The following TMTC1 variants were observed in gnomAD, a reference collection of about 807,000 sequenced individuals.
The protein encoded by TMTC1 is transmembrane O-mannosyltransferase targeting cadherins 1.
Under a neutral mutation model 104.8 loss-of-function variants are expected in TMTC1, and 73 were observed. That is an observed-to-expected ratio of 0.70 (90% CI 0.58 to 0.85). TMTC1 has a LOEUF of 0.85. Ranked by LOEUF, TMTC1 falls within the 40% of genes least tolerant of loss-of-function variation. TMTC1 has a pLI of 0.00. For missense variants in TMTC1, 1,035 were observed against 1,096.1 expected (o/e 0.94, Z 0.79); for synonymous variants, 434 against 428.7 (o/e 1.01, Z -0.15).
At chr12:29,735,719 A>G (rs1311656247) in intron 5 of TMTC1, among the ~76,000 whole-genome samples, 1 of 152,220 alleles carries the variant, frequency 6.6e-6, no homozygotes, top group Non-Finnish European at 1.5e-5. Context: ...CTCACAATGT[A>G]CATTGGGTAT....
rs772647422 is a variant in TMTC1, at chr12:29,517,490, A to C, written c.2106T>G (p.Ala702=). 1 of 1,614,108 alleles carries C rather than the reference A, an allele frequency of 6.2e-7. No homozygotes were observed. The highest frequency in any genetic ancestry group is 1.3e-5 in the African/African-American group (1 of 75,016). The change falls in exon 14 of 18, where the codon GCT becomes GCG. Residue 702 remains alanine (A), a synonymous_variant. Coordinates refer to ENST00000539277, the MANE Select transcript of TMTC1 (RefSeq NM_001193451.2). ...LYYNTGRYEE[A]LQIYQEAAAL... is the part of the protein sequence containing the mutation. ...CTGCAGCTTCCTGGTAAATCTGCAAAGCCTCTTCGTATCGGCCAGTGTTGT... is the reference window on the plus strand; with the variant it reads ...CTGCAGCTTCCTGGTAAATCTGCAACGCCTCTTCGTATCGGCCAGTGTTGT...
intron 7 of TMTC1, 43 bp downstream of exon 7, chr12:29,604,135 C>A (rs1303730094): frequency 1.2e-6 from 2 of 1,609,572 alleles, no homozygotes; most frequent in Non-Finnish European, 1.7e-6. Flanking sequence ...ATGTTGGTGA[C>A]AGAGGGCAGG....
At chr12:29,753,771 G>A (rs973991698) in intron 4 of TMTC1, among the ~76,000 whole-genome samples, 2 of 152,224 alleles carry the variant, frequency 1.3e-5, no homozygotes, top group African/African-American at 4.8e-5. Context: ...TCTTGGCTAG[G>A]CAGAATGAGT....
At chr12:29,604,727 T>C (rs923363043) in intron 6 of TMTC1, among the ~76,000 whole-genome samples, 2 of 152,212 alleles carry the variant, frequency 1.3e-5, no homozygotes, top group African/African-American at 4.8e-5. Flanking sequence ...CAAAATATAA[T>C]GTATTTTCTT....
rs369388096 is a variant in TMTC1, at chr12:29,751,713, C to T, written c.891G>A (p.Lys297=). 1 of 1,614,106 alleles carries T rather than the reference C, an allele frequency of 6.2e-7. No individual in the cohort carries two copies. The highest frequency in any genetic ancestry group is 1.7e-5 in the Admixed American group (1 of 60,022). ...GTGGGGACACTGGGAATCCACTGCTCTTGGGTTCTGGTGGCAGTGGAGAGT... is the reference window on the plus strand; with the variant it reads ...GTGGGGACACTGGGAATCCACTGCTTTTGGGTTCTGGTGGCAGTGGAGAGT... ...GCHSPLPPEP[K]SSGFPVSPRA... is the part of the protein sequence containing the mutation. The change falls in exon 5 of 18, where the codon AAG becomes AAA. Residue 297 remains lysine (K), a synonymous_variant. Transcript: ENST00000539277.
At chr12:29,543,887 T>A (rs1592205597) in intron 10 of TMTC1, among the ~76,000 whole-genome samples, 2 of 152,218 alleles carry the variant, frequency 1.3e-5, no homozygotes, top group South Asian at 4.1e-4. Flanking sequence ...CTTGACTTTC[T>A]ACAGAAGCCA....
At chr12:29,722,465 C>A (rs1942262939) in intron 5 of TMTC1, among the ~76,000 whole-genome samples, 1 of 152,114 alleles carries the variant, frequency 6.6e-6, no homozygotes, top group African/African-American at 2.4e-5. Context: ...GACAAAGCTG[C>A]CTTCTTTCAC....
intron 6 of TMTC1, among the ~76,000 whole-genome samples, chr12:29,612,097 C>T (rs116103677): frequency 1.1e-3 from 173 of 152,238 alleles, no homozygotes; most frequent in African/African-American, 3.7e-3. Context: ...CCACAGTCCA[C>T]GTGGCTTTGG....
At chr12:29,758,846 A>G (rs948497654) in intron 2 of TMTC1, 69 bp from the exon 3 acceptor site, 3 of 1,299,596 alleles carry the variant, frequency 2.3e-6, no homozygotes, top group African/African-American at 1.5e-5. Flanking sequence ...ACACAAATCC[A>G]TTACAGAAAT....
chr12:29,648,600 T>C (rs111972061), intron 5 of TMTC1, among the ~76,000 whole-genome samples: 2,288 of 152,152 alleles, frequency 0.015, 56 homozygotes, highest in African/African-American at 0.053. Context: ...ACCACTCATG[T>C]CTCACCAGCC....
chr12:29,778,425 T>C (rs894465553), intron 1 of TMTC1, among the ~76,000 whole-genome samples: 3 of 152,192 alleles, frequency 2.0e-5, no homozygotes, highest in African/African-American at 7.2e-5. Flanking sequence ...CTGGACCATT[T>C]TTCAAGGGAG....
intron 5 of TMTC1, among the ~76,000 whole-genome samples, chr12:29,701,512 C>T (rs1207277708): frequency 6.6e-6 from 1 of 152,162 alleles, no homozygotes; most frequent in African/African-American, 2.4e-5. Context: ...CCTAACTTCC[C>T]CCTTCCTTCC....
intron 6 of TMTC1, among the ~76,000 whole-genome samples, chr12:29,612,158 T>C (rs1250480180): frequency 6.6e-6 from 1 of 152,048 alleles, no homozygotes; most frequent in Admixed American, 6.5e-5. Flanking sequence ...TTCTCTACCA[T>C]CTGACTTCAT....
At chr12:29,744,608 T>C (rs1293390832) in intron 5 of TMTC1, among the ~76,000 whole-genome samples, 1 of 152,258 alleles carries the variant, frequency 6.6e-6, no homozygotes, top group Non-Finnish European at 1.5e-5. Flanking sequence ...TAAAGGTACT[T>C]CCTGCTTTAC....
intron 11 of TMTC1, among the ~76,000 whole-genome samples, chr12:29,524,604 T>C (rs1217966853): frequency 6.6e-6 from 1 of 152,170 alleles, no homozygotes; most frequent in African/African-American, 2.4e-5. Context: ...GGCCTAAGAA[T>C]TATGTCTAGA....
chr12:29,694,651 A>G (rs1941362594), intron 5 of TMTC1, among the ~76,000 whole-genome samples: 1 of 152,108 alleles, frequency 6.6e-6, no homozygotes, highest in African/African-American at 2.4e-5. Context: ...TAAAAACTGC[A>G]ACAAGCGGCT....
At chr12:29,660,652 G>A (rs1415658580) in intron 5 of TMTC1, among the ~76,000 whole-genome samples, 4 of 151,944 alleles carry the variant, frequency 2.6e-5, no homozygotes, top group Admixed American at 6.6e-5. Flanking sequence ...GTAACATTAC[G>A]GCATGCCAAC....
rs1303200907 is a variant in TMTC1, at chr12:29,769,521, G to GAAACAC, written c.303-1452_303-1447dup. Among the ~76,000 whole-genome samples the GAAACAC allele has an allele frequency of 1.2e-4, 19 of 152,324 alleles. No homozygotes were observed. In the East Asian group the frequency reaches 3.5e-3, roughly 28 times the overall value. On this transcript the variant is annotated intron_variant, in intron 1 of 17. Coordinates refer to ENST00000539277, the MANE Select transcript of TMTC1 (RefSeq NM_001193451.2). ...GAGACCAGCATGCCATTCCTGTATA[G>GAAACAC]AAACACACACGAGGCAGCAGAGCTG... is the stretch of plus-strand genomic sequence containing the variant.
At chr12:29,608,358 TC>T (rs1946757090) in intron 6 of TMTC1, among the ~76,000 whole-genome samples, 1 of 152,204 alleles carries the variant, frequency 6.6e-6, no homozygotes, top group African/African-American at 2.4e-5. Flanking sequence ...AAGAGGAAAT[TC>T]ATGGTATTTT....
Sources: allele counts gnomAD v4.1 joint callset (sites outside exome capture counted in the v4.1 genomes callset), GRCh38; gene constraint gnomAD v4.1.1; transcripts MANE v1.5; gene names NCBI Gene and HGNC (gene_info 2026-07-23, HGNC 2026-07-21).